The following KIAA0040 variants were observed in gnomAD, a reference collection of about 807,000 sequenced individuals.
KIAA0040 encodes KIAA0040.
In KIAA0040, 10 loss-of-function variants were observed where a neutral mutation model predicts 7.2. That is an observed-to-expected ratio of 1.38 (90% CI 0.85 to 2.34). The LOEUF is 2.34. Among genes scored for constraint, KIAA0040 ranks in the 30% most tolerant of loss-of-function variants. The pLI, the probability that KIAA0040 is intolerant of heterozygous loss-of-function variation, is 0.00. For synonymous variants in KIAA0040, 49 were observed against 40.1 expected (o/e 1.22, Z -0.84); for missense variants, 89 against 108.2 (o/e 0.82, Z 0.79).
At position 175,157,692 on chromosome 1, in the gene KIAA0040, C is replaced by T. The variant is rs1416293207; in HGVS notation, c.*3022G>A. ...TCTACCTTTCTCCCTCCCTGCTCCCCCCAAGAAAAAGAAACATGGAATCCA... is the reference window on the plus strand; with the variant it reads ...TCTACCTTTCTCCCTCCCTGCTCCCTCCAAGAAAAAGAAACATGGAATCCA... On this transcript the variant is annotated 3_prime_UTR_variant, in exon 4 of 4. Transcript: ENST00000423313. 1 of 151,910 alleles carries T rather than the reference C, an allele frequency of 6.6e-6. No homozygotes were observed. Among genetic ancestry groups the T allele is most frequent in the Non-Finnish European group, 1.5e-5 (1 of 67,984 alleles). 9.4% of individuals were successfully genotyped at this position (151,910 alleles called of 1,614,324 possible).
At chr1:175,181,233 T>TG (rs567314317) in intron 1 of KIAA0040, among the ~76,000 whole-genome samples, 107 of 148,846 alleles carry the variant, frequency 7.2e-4, no homozygotes, top group African/African-American at 2.5e-3. Flanking sequence ...TGTGTATTTG[T>TG]GGGGGGCGGG....
rs1292627506 is a variant in KIAA0040, at chr1:175,160,614, A to G, written c.*100T>C. 16 of 1,144,716 alleles carry G rather than the reference A, an allele frequency of 1.4e-5. No homozygotes were observed. The highest frequency in any genetic ancestry group is 2.6e-5 in the East Asian group (1 of 38,800). The allele number at this position is 1,144,716 out of a possible 1,614,324, so 70.9% of individuals were successfully genotyped here. A position where few individuals can be genotyped will look rare whatever the true frequency, so the allele number is the denominator to read the frequency against. ...CCTTGGTTGAGTAGTTACTCTGTGG[A>G]CATGGACATAGTGCATTATTTCAGG... On this transcript the variant is annotated 3_prime_UTR_variant, in exon 4 of 4. Coordinates refer to ENST00000423313, the MANE Select transcript of KIAA0040 (RefSeq NM_014656.3).
At chr1:175,162,080 C>A (rs1406786076) in intron 3 of KIAA0040, among the ~76,000 whole-genome samples, 2 of 152,042 alleles carry the variant, frequency 1.3e-5, no homozygotes, top group Non-Finnish European at 2.9e-5. Context: ...ACAGAGCTGC[C>A]CCTCTTCCCT....
At chr1:175,183,884 T>C (rs2101906377) in intron 1 of KIAA0040, among the ~76,000 whole-genome samples, 1 of 152,336 alleles carries the variant, frequency 6.6e-6, no homozygotes, top group South Asian at 2.1e-4. Context: ...GCATATTGTT[T>C]TGTTTTTGGA....
chr1:175,165,388 C>G (rs1022187159), intron 3 of KIAA0040, among the ~76,000 whole-genome samples: 3 of 152,164 alleles, frequency 2.0e-5, no homozygotes, highest in African/African-American at 7.2e-5. Flanking sequence ...AATACTTACA[C>G]AAATATAATC....
intron 1 of KIAA0040, among the ~76,000 whole-genome samples, chr1:175,191,551 T>C (rs1677866866): frequency 6.6e-6 from 1 of 152,268 alleles, no homozygotes; most frequent in African/African-American, 2.4e-5. Context: ...TTGATGCAAC[T>C]GAACCAGTTT....
intron 3 of KIAA0040, among the ~76,000 whole-genome samples, chr1:175,163,081 C>G (rs373559503): frequency 2.0e-4 from 30 of 152,290 alleles, no homozygotes; most frequent in African/African-American, 7.2e-4. Flanking sequence ...CAGAGCCGGT[C>G]TCACTCATTC....
intron 2 of KIAA0040, among the ~76,000 whole-genome samples, chr1:175,167,730 C>T (rs571723475): frequency 9.2e-5 from 14 of 151,882 alleles, no homozygotes; most frequent in South Asian, 6.2e-4. Flanking sequence ...TCGGAAAGGG[C>T]GGGATGATGG....
At chr1:175,180,273 T>A (rs1279617508) in intron 1 of KIAA0040, among the ~76,000 whole-genome samples, 1 of 152,238 alleles carries the variant, frequency 6.6e-6, no homozygotes, top group Non-Finnish European at 1.5e-5. Context: ...CATCATGGCA[T>A]CCTCTGCATC....
At chr1:175,162,882 A>C (rs1443356084) in intron 3 of KIAA0040, among the ~76,000 whole-genome samples, 2 of 152,236 alleles carry the variant, frequency 1.3e-5, no homozygotes, top group Non-Finnish European at 2.9e-5. Context: ...CATGGAGCCC[A>C]AAGAAATGTT....
At chr1:175,178,540 T>A (rs1457868860) in intron 1 of KIAA0040, among the ~76,000 whole-genome samples, 1 of 152,252 alleles carries the variant, frequency 6.6e-6, no homozygotes, top group Admixed American at 6.5e-5. Context: ...CATGTGGATT[T>A]CATGTCAAGA....
At chr1:175,162,285 G>A (rs984693245) in intron 3 of KIAA0040, among the ~76,000 whole-genome samples, 1 of 152,056 alleles carries the variant, frequency 6.6e-6, no homozygotes, top group African/African-American at 2.4e-5. Flanking sequence ...TGATTTTCAG[G>A]ATGGACACTC....
Position 175,160,712 on chromosome 1 carries a change from A to T in KIAA0040, c.*2T>A, listed in dbSNP as rs746037433. Reference sequence around the variant, plus strand: ...AAGGAAACACCTCTGCTTCCTGCCTAACTAAACAGGCAGTGATGGTCTCTT... The same window carrying T: ...AAGGAAACACCTCTGCTTCCTGCCTTACTAAACAGGCAGTGATGGTCTCTT... On this transcript the variant is annotated 3_prime_UTR_variant, in exon 4 of 4. Transcript: ENST00000423313. 1.9e-6 allele frequency: 3 copies of T among 1,543,542 alleles called. No individual in the cohort carries two copies. In the South Asian group the frequency reaches 3.6e-5, roughly 19 times the overall value.
chr1:175,187,599 T>A (rs1332418775), intron 1 of KIAA0040, among the ~76,000 whole-genome samples: 1 of 152,166 alleles, frequency 6.6e-6, no homozygotes, highest in African/African-American at 2.4e-5. Context: ...TTTTCTCTTA[T>A]TTATGGTGGC....
At position 175,166,050 on chromosome 1, in the gene KIAA0040, C is replaced by T. The variant is rs552063638; in HGVS notation, c.-134+512G>A. Among the ~76,000 whole-genome samples, 220 of 152,288 alleles carry T rather than the reference C, an allele frequency of 1.4e-3. 1 individual carries two copies. The highest frequency in any genetic ancestry group is 4.5e-3 in the Admixed American group (69 of 15,302). ...ACTCCAGAGTGACCTCCAAATGGTA[C>T]AAATCACCACCCTTCTTGTAGGGGG... On this transcript the variant is annotated intron_variant, in intron 3 of 3. Coordinates refer to ENST00000423313, the MANE Select transcript of KIAA0040 (RefSeq NM_014656.3).
At chr1:175,184,325 A>T (rs1270361420) in intron 1 of KIAA0040, among the ~76,000 whole-genome samples, 1 of 152,194 alleles carries the variant, frequency 6.6e-6, no homozygotes, top group Non-Finnish European at 1.5e-5. Context: ...CTCACGTCAC[A>T]TTACAGGGTC....
intron 1 of KIAA0040, among the ~76,000 whole-genome samples, chr1:175,192,212 T>G (rs1478088558): frequency 6.6e-6 from 1 of 152,252 alleles, no homozygotes; most frequent in Non-Finnish European, 1.5e-5. Context: ...ATTTTCGTTT[T>G]GGCTAGTTCC....
intron 3 of KIAA0040, among the ~76,000 whole-genome samples, chr1:175,166,203 T>C (rs947533165): frequency 6.6e-6 from 1 of 152,198 alleles, no homozygotes; most frequent in Admixed American, 6.5e-5. Flanking sequence ...CTTGGGCCTT[T>C]GCTCAAACAG....
chr1:175,177,420 C>A (rs2101897588), intron 2 of KIAA0040, among the ~76,000 whole-genome samples, 191 bp downstream of exon 2: 1 of 152,306 alleles, frequency 6.6e-6, no homozygotes, highest in Admixed American at 6.5e-5. Flanking sequence ...CCTTGAAGTG[C>A]CTAATAGGGG....
Sources: allele counts gnomAD v4.1 joint callset (sites outside exome capture counted in the v4.1 genomes callset), GRCh38; gene constraint gnomAD v4.1.1; transcripts MANE v1.5; gene names NCBI Gene and HGNC (gene_info 2026-07-23, HGNC 2026-07-21).